RIN3: variants seen among roughly 807,000 people sequenced by gnomAD.
The protein encoded by RIN3 is Ras and Rab interactor 3.
A neutral mutation model predicts 76.3 loss-of-function variants in RIN3; 54 were observed. That is an observed-to-expected ratio of 0.71 (90% confidence interval 0.57 to 0.89). The LOEUF (loss-of-function observed/expected upper bound fraction) is 0.89, where lower values mean the gene tolerates loss of function less well. RIN3 is among the 40% of genes least tolerant of loss of function. The pLI, the probability that RIN3 is intolerant of heterozygous loss-of-function variation, is 0.00. For synonymous variants in RIN3, 576 were observed against 564.0 expected, an observed-to-expected ratio of 1.02 and a Z score of -0.30; for missense variants, 1,256 against 1,322.1, an observed-to-expected ratio of 0.95 and a Z score of 0.78.
At chr14:92,520,611 G>C (rs181063201) in intron 1 of RIN3, among the ~76,000 whole-genome samples, 1 of 152,344 alleles carries the variant, frequency 6.6e-6, no homozygotes, top group Admixed American at 6.5e-5. Context: ...GCTGGAGAGA[G>C]GGGTGGACAG....
chr14:92,519,575 G>A (rs1176841527), intron 1 of RIN3, among the ~76,000 whole-genome samples: 2 of 152,178 alleles, frequency 1.3e-5, no homozygotes, highest in African/African-American at 4.8e-5. Context: ...TGTGAAGCCT[G>A]CCCCTGTCAG....
chr14:92,600,719 C>T (rs1253132051), intron 3 of RIN3, among the ~76,000 whole-genome samples: 2 of 152,210 alleles, frequency 1.3e-5, no homozygotes, highest in East Asian at 3.8e-4. Flanking sequence ...ACTCAAGGAG[C>T]ACAAACTGGT....
intron 6 of RIN3, among the ~76,000 whole-genome samples, chr14:92,655,937 G>A (rs943594676): frequency 2.0e-5 from 3 of 152,186 alleles, no homozygotes; most frequent in Non-Finnish European, 4.4e-5. Context: ...GGCCATGGAG[G>A]GCTGAGTCTG....
At chr14:92,603,779 T>G (rs1212277578) in intron 3 of RIN3, among the ~76,000 whole-genome samples, 2 of 152,096 alleles carry the variant, frequency 1.3e-5, no homozygotes, top group Non-Finnish European at 2.9e-5. Context: ...TGGCAGCACC[T>G]TTTCCTCAGG....
chr14:92,683,687 G>A lies in RIN3; in HGVS notation c.2468-1300G>A, dbSNP rs541207406. Among the ~76,000 whole-genome samples, 39 of 152,212 alleles carry A rather than the reference G, an allele frequency of 2.6e-4. No individual in the cohort carries two copies. The South Asian group carries it at 5.0e-3, about 19-fold the overall frequency. The stretch of plus-strand genomic sequence containing the variant: ...AAAATGTAAAAATCAGCCTACAATC[G>A]CTTGAGCCCAGGAGTTGGAGGCTCC... On this transcript the variant is annotated intron_variant, in intron 8 of 9. Coordinates refer to ENST00000216487, the MANE Select transcript of RIN3 (RefSeq NM_024832.5).
intron 1 of RIN3, chr14:92,515,210 G>A: frequency 1.4e-6 from 1 of 696,276 alleles, no homozygotes; most frequent in Non-Finnish European, 2.6e-6. Context: ...AGCGACCTCT[G>A]CAAAGACAAA....
intron 5 of RIN3, chr14:92,644,587 G>A (rs889561337): frequency 6.6e-6 from 1 of 152,202 alleles, no homozygotes; most frequent in Non-Finnish European, 1.5e-5. Flanking sequence ...ACTTCCTAGA[G>A]AACAGGATTT....
chr14:92,544,900 A>G (rs1897221952), intron 1 of RIN3, among the ~76,000 whole-genome samples: 1 of 151,254 alleles, frequency 6.6e-6, no homozygotes, highest in Non-Finnish European at 1.5e-5. Context: ...CCCTGATCCT[A>G]TTTTTCTCCT....
chr14:92,684,200 C>G (rs1487044649), intron 8 of RIN3, among the ~76,000 whole-genome samples: 1 of 151,964 alleles, frequency 6.6e-6, no homozygotes, highest in Non-Finnish European at 1.5e-5. Flanking sequence ...GCCAGCATGG[C>G]GACACCCCAT....
At chr14:92,632,447 A>G (rs1408834151) in intron 4 of RIN3, among the ~76,000 whole-genome samples, 2 of 152,186 alleles carry the variant, frequency 1.3e-5, no homozygotes, top group African/African-American at 4.8e-5. Flanking sequence ...TGTGCTGAGG[A>G]TCAGACTCCC....
intron 4 of RIN3, among the ~76,000 whole-genome samples, chr14:92,634,432 AT>A (rs1886702678): frequency 6.6e-6 from 1 of 152,062 alleles, no homozygotes; most frequent in Non-Finnish European, 1.5e-5. Flanking sequence ...TTTTTAGTGG[AT>A]TTCATAGTTT....
At chr14:92,543,618 CT>C (rs3033757) in intron 1 of RIN3, among the ~76,000 whole-genome samples, 25,263 of 84,468 alleles carry the variant, frequency 0.3, 3,663 homozygotes, top group African/African-American at 0.37. Flanking sequence ...AAGGCTTTTG[CT>C]TTTTTTTTTT....
chr14:92,619,272 G>T (rs1402857031), intron 4 of RIN3, among the ~76,000 whole-genome samples: 1 of 152,000 alleles, frequency 6.6e-6, no homozygotes, highest in Non-Finnish European at 1.5e-5. Context: ...TTTTGAAACT[G>T]AAGTTTGATT....
At chr14:92,663,609 CCG>C (rs1211167960) in intron 7 of RIN3, among the ~76,000 whole-genome samples, 1 of 152,158 alleles carries the variant, frequency 6.6e-6, no homozygotes, top group Non-Finnish European at 1.5e-5. Flanking sequence ...ACTGGGAGCA[CCG>C]TGACTCCCAA....
At chr14:92,544,795 A>G (rs1897218813) in intron 1 of RIN3, among the ~76,000 whole-genome samples, 1 of 152,120 alleles carries the variant, frequency 6.6e-6, no homozygotes, top group Non-Finnish European at 1.5e-5. Context: ...CAGCTTTGTT[A>G]ATTCCTATCA....
chr14:92,680,729 T>C (rs187814811), intron 8 of RIN3, among the ~76,000 whole-genome samples: 388 of 152,314 alleles, frequency 2.5e-3, no homozygotes, highest in African/African-American at 8.7e-3. Context: ...GAGCAAGCCA[T>C]TCTGTGTTCG....
intron 2 of RIN3, among the ~76,000 whole-genome samples, chr14:92,570,659 C>CA (rs11393617): frequency 0.98 from 142,364 of 145,032 alleles, 69,875 homozygotes; most frequent in Non-Finnish European, 0.99. Flanking sequence ...GAGACTGTCT[C>CA]AAAAAAAAAA....
intron 3 of RIN3, among the ~76,000 whole-genome samples, chr14:92,584,649 C>T (rs1186357852): frequency 6.6e-6 from 1 of 151,988 alleles, no homozygotes; most frequent in Non-Finnish European, 1.5e-5. Flanking sequence ...GGCATGGGGG[C>T]AGGGGATGTA....
At chr14:92,557,196 T>C (rs1897613083) in intron 2 of RIN3, among the ~76,000 whole-genome samples, 1 of 152,248 alleles carries the variant, frequency 6.6e-6, no homozygotes, top group African/African-American at 2.4e-5. Context: ...TTCATGTGAA[T>C]CTGCCCATTT....
Sources: gnomAD v4.1 joint callset for allele counts (sites outside exome capture counted in the v4.1 genomes callset) on GRCh38, gnomAD v4.1.1 for gene constraint, MANE v1.5 for transcripts, NCBI Gene and HGNC (gene_info 2026-07-23, HGNC 2026-07-21) for gene names.